Variants in UTRN observed in about 807,000 individuals in gnomAD.
UTRN encodes dystrophin-related protein 1.
UTRN carries 283 observed loss-of-function variants against 463.9 expected under a neutral mutation model. That is an observed-to-expected ratio of 0.61 (90% confidence interval 0.55 to 0.67). UTRN has a LOEUF of 0.67. Ranked by LOEUF, UTRN falls within the 30% of genes least tolerant of loss-of-function variation. The pLI is 0.00. For synonymous variants in UTRN, 1,442 were observed against 1,431.5 expected, an observed-to-expected ratio of 1.01 and a Z score of -0.17; for missense variants, 3,922 against 4,084.3, an observed-to-expected ratio of 0.96 and a Z score of 1.08.
intron 45 of UTRN, 81 bp from the exon 46 acceptor site, chr6:144,542,714 A>G: frequency 1.4e-6 from 2 of 1,413,500 alleles, no homozygotes; most frequent in Non-Finnish European, 1.9e-6. Context: ...GCTGCCATTC[A>G]GAATAACACC....
chr6:144,366,132 G>C (rs545280083), intron 2 of UTRN, among the ~76,000 whole-genome samples: 1 of 152,178 alleles, frequency 6.6e-6, no homozygotes, highest in Admixed American at 6.5e-5. Flanking sequence ...CAGCGTAATC[G>C]TCACATGAAT....
At chr6:144,498,428 G>T (rs1395387663) in intron 33 of UTRN, among the ~76,000 whole-genome samples, 1 of 152,144 alleles carries the variant, frequency 6.6e-6, no homozygotes, top group East Asian at 1.9e-4. Context: ...ATAATAATAA[G>T]GTTTGGTTTG....
intron 9 of UTRN, among the ~76,000 whole-genome samples, chr6:144,435,038 TA>T (rs1786399699): frequency 2.6e-5 from 4 of 152,200 alleles, no homozygotes. Flanking sequence ...ATGACATTGG[TA>T]AAAGCCTTTT....
chr6:144,809,098 T>C (rs991356158), intron 65 of UTRN, among the ~76,000 whole-genome samples: 1 of 152,200 alleles, frequency 6.6e-6, no homozygotes, highest in African/African-American at 2.4e-5. Context: ...TTTTTCATAA[T>C]GACTGAACCA....
At chr6:144,347,376 A>AC (rs1777676671) in intron 2 of UTRN, among the ~76,000 whole-genome samples, 1 of 152,234 alleles carries the variant, frequency 6.6e-6, no homozygotes. Context: ...CACTAGACTG[A>AC]AAGCTCCATG....
Position 144,447,195 on chromosome 6 carries a change from T to C in UTRN, c.1615-16T>C. On this transcript the variant is annotated splice_polypyrimidine_tract_variant and intron_variant, in intron 14 of 74. Transcript: ENST00000367545. The stretch of plus-strand genomic sequence containing the variant: ...TGATTTTGCAGATAAAGTTCAACTT[T>C]TGTTATTACTTGTAGTGCTTGTTGA... The C allele has an allele frequency of 6.2e-7, 1 of 1,603,892 alleles. No individual in the cohort carries two copies. Among genetic ancestry groups the C allele is most frequent in the South Asian group, 1.1e-5 (1 of 89,618 alleles).
At chr6:144,657,599 G>C (rs1779453624) in intron 51 of UTRN, among the ~76,000 whole-genome samples, 1 of 152,120 alleles carries the variant, frequency 6.6e-6, no homozygotes, top group African/African-American at 2.4e-5. Flanking sequence ...GTTTAACCTT[G>C]GGTGTGGATA....
chr6:144,350,189 C>A (rs139910641), intron 2 of UTRN, among the ~76,000 whole-genome samples: 1 of 151,138 alleles, frequency 6.6e-6, no homozygotes. Context: ...TTTTTGACTC[C>A]AAATTTAATT....
chr6:144,424,193 AT>A, intron 6 of UTRN, 115 bp downstream of exon 6: 2 of 1,122,110 alleles, frequency 1.8e-6, no homozygotes, highest in Non-Finnish European at 2.6e-6. Context: ...AACAACAGAA[AT>A]TTGTTGTCTC....
chr6:144,827,700 T>G (rs1301734571), intron 68 of UTRN, 24 bp downstream of exon 68: 3 of 1,608,878 alleles, frequency 1.9e-6, no homozygotes, highest in Non-Finnish European at 2.6e-6. Context: ...ATCAGAGCCC[T>G]CCACTGCACT....
At chr6:144,748,649 GGAGTCAGGACAGGTGCTTTCCATAT>G in intron 55 of UTRN, 135 bp downstream of exon 55, 1 of 1,218,590 alleles carries the variant, frequency 8.2e-7, no homozygotes, top group Non-Finnish European at 1.1e-6. Context: ...CCACCCATCA[GGAGTCAGGACAGGTGCTTTCCATAT>G]GACCCTCATT....
intron 2 of UTRN, among the ~76,000 whole-genome samples, chr6:144,318,819 C>G (rs900328621): frequency 6.6e-6 from 1 of 152,126 alleles, no homozygotes; most frequent in South Asian, 2.1e-4. Flanking sequence ...ACCTGTAATC[C>G]CAGCACTTTG....
intron 51 of UTRN, among the ~76,000 whole-genome samples, chr6:144,607,679 A>G (rs1200316253): frequency 3.9e-5 from 6 of 152,204 alleles, no homozygotes; most frequent in Admixed American, 2.6e-4. Context: ...GACACTCATC[A>G]TCATGATCAA....
chr6:144,374,715 C>T (rs941752693), intron 2 of UTRN, among the ~76,000 whole-genome samples: 1 of 151,442 alleles, frequency 6.6e-6, no homozygotes, highest in African/African-American at 2.4e-5. Flanking sequence ...ATCTCCTGAC[C>T]TCGGGATCCG....
chr6:144,313,807 G>A (rs939812875), intron 2 of UTRN, among the ~76,000 whole-genome samples: 1 of 152,172 alleles, frequency 6.6e-6, no homozygotes, highest in African/African-American at 2.4e-5. Flanking sequence ...GTAGAGTGAG[G>A]CCCTCTAAAA....
intron 54 of UTRN, among the ~76,000 whole-genome samples, chr6:144,731,402 A>G (rs542952770): frequency 6.6e-6 from 1 of 152,344 alleles, no homozygotes; most frequent in East Asian, 1.9e-4. Context: ...CATGCCATTC[A>G]AAATCGTTTT....
At chr6:144,818,334 G>T (rs1365802778) in intron 65 of UTRN, among the ~76,000 whole-genome samples, 2 of 151,874 alleles carry the variant, frequency 1.3e-5, no homozygotes, top group Admixed American at 1.3e-4. Context: ...ATTAGATAGT[G>T]GTGATTTTTT....
intron 65 of UTRN, among the ~76,000 whole-genome samples, chr6:144,809,755 G>A (rs17074256): frequency 0.059 from 8,933 of 152,058 alleles, 861 homozygotes; most frequent in African/African-American, 0.2. Context: ...CCTGTCTGGC[G>A]TTGTGCCATC....
At chr6:144,318,528 A>C (rs769570373) in intron 2 of UTRN, among the ~76,000 whole-genome samples, 6 of 152,022 alleles carry the variant, frequency 3.9e-5, no homozygotes, top group Non-Finnish European at 8.8e-5. Flanking sequence ...CAGTGGCGTG[A>C]TCTTGGCTTA....
Sources: gnomAD v4.1 joint callset for allele counts (sites outside exome capture counted in the v4.1 genomes callset) on GRCh38, gnomAD v4.1.1 for gene constraint, MANE v1.5 for transcripts, NCBI Gene and HGNC (gene_info 2026-07-23, HGNC 2026-07-21) for gene names.